ADAMTSL1: variants seen among roughly 807,000 people sequenced by gnomAD.
ADAMTSL1 encodes the protein ADAMTS-like protein 1.
Under a neutral mutation model 201.8 loss-of-function variants are expected in ADAMTSL1, and 126 were observed. The ratio of observed to expected loss-of-function variants is 0.62; its 90% CI spans 0.54 to 0.72. ADAMTSL1 has a LOEUF of 0.72. ADAMTSL1 is among the 30% of genes least tolerant of loss of function. The probability of loss-of-function intolerance (pLI) is 0.00; values close to 1 mark genes in which losing one functional copy is unlikely to be tolerated. For synonymous variants in ADAMTSL1, 1,121 were observed against 903.4 expected (o/e 1.24, Z -4.32); for missense variants, 2,679 against 2,277.8 (o/e 1.18, Z -3.59).
chr9:18,254,345 G>GTTTTTTTTTTT lies in ADAMTSL1; in HGVS notation c.207+90389_207+90399dup, dbSNP rs59026505. 7.3e-4 allele frequency among the ~76,000 whole-genome samples: 36 copies of GTTTTTTTTTTT among 49,368 alleles called. 9 individuals carry two copies. The highest frequency in any genetic ancestry group is 1.6e-3 in the East Asian group (2 of 1,250). The allele number at this position is 49,368 out of a possible 152,430, so 32.4% of individuals were successfully genotyped here. A position where few individuals can be genotyped will look rare whatever the true frequency, so the allele number is the denominator to read the frequency against. On this transcript the variant is annotated intron_variant, in intron 2 of 29. Coordinates refer to the ADAMTSL1 transcript ENST00000680146. ...GGAACTACCGTCAATACTCTTTTTG[G>GTTTTTTTTTTT]TTTTTTTTTTTTTTTTTTTTTTTTT... is the stretch of plus-strand genomic sequence containing the variant.
intron 21 of ADAMTSL1, among the ~76,000 whole-genome samples, chr9:18,820,106 A>C (rs1824118935): frequency 6.6e-6 from 1 of 152,222 alleles, no homozygotes; most frequent in African/African-American, 2.4e-5. Flanking sequence ...GAGAATTTGC[A>C]ACCCAGATTC....
chr9:18,839,744 G>T (rs924404446), intron 23 of ADAMTSL1, among the ~76,000 whole-genome samples: 7 of 152,156 alleles, frequency 4.6e-5, no homozygotes, highest in African/African-American at 1.7e-4. Flanking sequence ...GTGTGAGGTG[G>T]TATCTCATTG....
intron 23 of ADAMTSL1, among the ~76,000 whole-genome samples, chr9:18,878,583 CAT>C (rs1828320478): frequency 6.6e-6 from 1 of 152,218 alleles, no homozygotes; most frequent in Non-Finnish European, 1.5e-5. Flanking sequence ...TGAGGATGTG[CAT>C]TTGGGAGCAG....
intron 19 of ADAMTSL1, among the ~76,000 whole-genome samples, chr9:18,783,841 ACTAT>A (rs150080519): frequency 0.12 from 18,335 of 152,212 alleles, 1,402 homozygotes; most frequent in East Asian, 0.22. Flanking sequence ...TAAAATATTT[ACTAT>A]CTGTCCCTTT....
chr9:18,673,454 A>T (rs1431144020), intron 9 of ADAMTSL1, among the ~76,000 whole-genome samples: 1 of 152,224 alleles, frequency 6.6e-6, no homozygotes, highest in Non-Finnish European at 1.5e-5. Flanking sequence ...CTTCACCATG[A>T]CCCATGTCAT....
intron 15 of ADAMTSL1, among the ~76,000 whole-genome samples, chr9:18,724,147 A>G (rs1159094180): frequency 1.3e-5 from 2 of 152,238 alleles, no homozygotes; most frequent in Admixed American, 6.5e-5. Flanking sequence ...GACATAACAA[A>G]ATGACATTTC....
chr9:18,829,445 T>C (rs967097599), intron 22 of ADAMTSL1, among the ~76,000 whole-genome samples: 1 of 152,192 alleles, frequency 6.6e-6, no homozygotes, highest in African/African-American at 2.4e-5. Flanking sequence ...TTACTAGAGC[T>C]AAATGAAAAA....
At chr9:18,029,020 G>A (rs1426805378) in intron 1 of ADAMTSL1, among the ~76,000 whole-genome samples, 1 of 152,100 alleles carries the variant, frequency 6.6e-6, no homozygotes, top group African/African-American at 2.4e-5. Context: ...TCTCTTTGAA[G>A]CAATTGTGAA....
At chr9:18,563,313 C>G (rs1028271334) in intron 3 of ADAMTSL1, among the ~76,000 whole-genome samples, 3 of 152,132 alleles carry the variant, frequency 2.0e-5, no homozygotes, top group African/African-American at 4.8e-5. Context: ...CACTCCAGAC[C>G]CTGTTTACCT....
chr9:18,123,631 G>A (rs1348101967), intron 1 of ADAMTSL1, among the ~76,000 whole-genome samples: 4 of 152,084 alleles, frequency 2.6e-5, no homozygotes, highest in Middle Eastern at 3.2e-3. Context: ...CATATCATAA[G>A]ATTTCCCTAT....
At chr9:18,183,352 T>C (rs1369869627) in intron 2 of ADAMTSL1, among the ~76,000 whole-genome samples, 1 of 152,186 alleles carries the variant, frequency 6.6e-6, no homozygotes, top group Non-Finnish European at 1.5e-5. Context: ...ACCAAAGGCA[T>C]GATTCACGAA....
intron 2 of ADAMTSL1, among the ~76,000 whole-genome samples, chr9:18,293,283 T>C (rs1833344762): frequency 6.6e-6 from 1 of 152,236 alleles, no homozygotes; most frequent in South Asian, 2.1e-4. Flanking sequence ...GTTTGTCCCG[T>C]AATGGGATTG....
intron 2 of ADAMTSL1, among the ~76,000 whole-genome samples, chr9:18,264,399 C>T (rs954410569): frequency 6.6e-6 from 1 of 152,144 alleles, no homozygotes; most frequent in Non-Finnish European, 1.5e-5. Context: ...GCCCTGACTC[C>T]TGCCCGGTGT....
At chr9:18,884,312 G>C (rs747989824) in intron 23 of ADAMTSL1, among the ~76,000 whole-genome samples, 1 of 152,104 alleles carries the variant, frequency 6.6e-6, no homozygotes, top group Non-Finnish European at 1.5e-5. Context: ...TTATATTCTG[G>C]ATATTAATCT....
At chr9:18,612,018 A>T (rs780848317) in intron 4 of ADAMTSL1, among the ~76,000 whole-genome samples, 1 of 152,172 alleles carries the variant, frequency 6.6e-6, no homozygotes, top group Non-Finnish European at 1.5e-5. Context: ...AAGAGCCAGG[A>T]ATCAGGAACT....
Position 18,866,116 on chromosome 9 carries a change from C to CAAAAAA in ADAMTSL1, c.4250-21706_4250-21701dup, listed in dbSNP as rs76778655. Among the ~76,000 whole-genome samples the CAAAAAA allele has an allele frequency of 3.1e-4, 24 of 78,570 alleles. 1 individual carries two copies. Among genetic ancestry groups the CAAAAAA allele is most frequent in the Admixed American group, 3.5e-4 (3 of 8,598 alleles). The allele number at this position is 78,570 out of a possible 152,430, so 51.5% of individuals were successfully genotyped here. A position where few individuals can be genotyped will look rare whatever the true frequency, so the allele number is the denominator to read the frequency against. On this transcript the variant is annotated intron_variant, in intron 23 of 28. Coordinates refer to ENST00000380548, the MANE Select transcript of ADAMTSL1 (RefSeq NM_001040272.6). ...AGAGAGATTGCTTGCCTTCAAAAAC[C>CAAAAAA]AAAAAAAAAAAAAATGACGGATACT...
chr9:18,883,222 C>T (rs1156471416), intron 23 of ADAMTSL1, among the ~76,000 whole-genome samples: 1 of 152,160 alleles, frequency 6.6e-6, no homozygotes, highest in African/African-American at 2.4e-5. Flanking sequence ...ACTGATCTTA[C>T]TTAGTTCAGC....
chr9:18,889,797 C>G, intron 25 of ADAMTSL1, 49 bp downstream of exon 25: 1 of 1,399,532 alleles, frequency 7.1e-7, no homozygotes. Flanking sequence ...AGGAGGAGCC[C>G]TCCCTGTTAG....
chr9:18,709,523 A>T (rs919214269), intron 14 of ADAMTSL1, among the ~76,000 whole-genome samples: 1 of 152,234 alleles, frequency 6.6e-6, no homozygotes, highest in Admixed American at 6.5e-5. Context: ...GGTAGCAACC[A>T]GAAGGAACTA....
Sources: allele counts gnomAD v4.1 joint callset (sites outside exome capture counted in the v4.1 genomes callset), GRCh38; gene constraint gnomAD v4.1.1; transcripts MANE v1.5; gene names NCBI Gene and HGNC (gene_info 2026-07-23, HGNC 2026-07-21).